KCNQ1OT1: variants seen among roughly 807,000 people sequenced by gnomAD.
KCNQ1OT1 encodes KCNQ1 antisense RNA 2 (non-protein coding).
exon 1 of KCNQ1OT1, chr11:2,686,529 C>T: frequency 5.0e-6 from 2 of 398,690 alleles, no homozygotes; most frequent in Non-Finnish European, 8.8e-6. Flanking sequence ...ACGGAAATGA[C>T]AGCTCCCAGC....
At chr11:2,615,814 A>G in exon 1 of KCNQ1OT1, 1 of 398,042 alleles carries the variant, frequency 2.5e-6, no homozygotes, top group East Asian at 3.6e-5. Flanking sequence ...AGATTTTAGT[A>G]TCTAGTTTGT....
chr11:2,646,482 C>T (rs1564843919), exon 1 of KCNQ1OT1: 1 of 398,540 alleles, frequency 2.5e-6, no homozygotes, highest in East Asian at 3.6e-5. Flanking sequence ...CTTCATTTCT[C>T]TTTTGGCTAA....
rs1309942328 is a variant in KCNQ1OT1 at position 2,662,064 on chromosome 11, C to T, written n.37931G>A. Reference sequence around the variant, plus strand: ...TGGAAGGGGAGACTCTGCTGACACCCATCACCCACATCTCACAGTGAGTGC... The same window carrying T: ...TGGAAGGGGAGACTCTGCTGACACCTATCACCCACATCTCACAGTGAGTGC... On this transcript the variant is annotated non_coding_transcript_exon_variant, in exon 1 of 1. Coordinates refer to ENST00000597346, the Ensembl canonical transcript of KCNQ1OT1. 2 of 1,614,136 alleles carry T rather than the reference C, an allele frequency of 1.2e-6. No homozygotes were observed. The highest frequency in any genetic ancestry group is 1.7e-6 in the Non-Finnish European group (2 of 1,180,058).
At chr11:2,622,781 C>T in exon 1 of KCNQ1OT1, 1 of 398,552 alleles carries the variant, frequency 2.5e-6, no homozygotes, top group Non-Finnish European at 4.4e-6. Flanking sequence ...ACAGAGATTT[C>T]CCGTATACCC....
chr11:2,698,338 T>TA lies in KCNQ1OT1; in HGVS notation n.1656dup, dbSNP rs1590039270. ...GAACAGTGCTGTGGGAAGGCACTCTTACTCTCAATTTTATATAAAAGGCTA... is the reference window on the plus strand; with the variant it reads ...GAACAGTGCTGTGGGAAGGCACTCTTAACTCTCAATTTTATATAAAAGGCTA... On this transcript the variant is annotated non_coding_transcript_exon_variant, in exon 1 of 1. Transcript: ENST00000597346. The surrounding 1 kb of genome is among the most constrained non-coding windows in gnomAD (Gnocchi z 5.1). 3 of 398,622 alleles carry TA rather than the reference T, an allele frequency of 7.5e-6. No individual in the cohort carries two copies. In the East Asian group the frequency reaches 1.1e-4, roughly 14 times the overall value. The allele number at this position is 398,622 out of a possible 1,614,324, so 24.7% of individuals were successfully genotyped here.
At chr11:2,628,869 A>G (rs946988675) in exon 1 of KCNQ1OT1, 1 of 398,210 alleles carries the variant, frequency 2.5e-6, no homozygotes, top group African/African-American at 2.1e-5. Context: ...TATTCAAGAG[A>G]GTACCCTTTC....
In KCNQ1OT1 at chr11:2,687,146, C is replaced by T. The variant is rs889542195; in HGVS notation, n.12849G>A. The T allele has an allele frequency of 1.0e-5, 4 of 398,502 alleles. No homozygotes were observed. Among genetic ancestry groups the T allele is most frequent in the African/African-American group, 8.2e-5 (4 of 48,602 alleles). The allele number at this position is 398,502 out of a possible 1,614,324, so 24.7% of individuals were successfully genotyped here. A position where few individuals can be genotyped will look rare whatever the true frequency, so the allele number is the denominator to read the frequency against. ...GCACAGGGAGGGGAGGAATCTGAGC[C>T]AGCTTCCTCCACAAAGCACAGAAGT... On this transcript the variant is annotated non_coding_transcript_exon_variant, in exon 1 of 1. Transcript: ENST00000597346. This position sits in a 1 kb window ranked among gnomAD's most constrained non-coding sequence, Gnocchi z 5.0.
rs141458220 is a variant in KCNQ1OT1 at position 2,651,957 on chromosome 11, G to C, written n.48038C>G. On this transcript the variant is annotated non_coding_transcript_exon_variant, in exon 1 of 1. Transcript: ENST00000597346. The surrounding 1 kb of genome is among the most constrained non-coding windows in gnomAD (Gnocchi z 6.1). ...CAGCCCTCCTGCAGCCAGCAGCAGT[G>C]GGGGAGCCAAGCTGAGTTGATTACT... 1.0e-5 allele frequency: 4 copies of C among 398,686 alleles called. No homozygotes were observed. Among genetic ancestry groups the C allele is most frequent in the Non-Finnish European group, 1.8e-5 (4 of 226,122 alleles). 24.7% of individuals were successfully genotyped at this position (398,686 alleles called of 1,614,324 possible). A position where few individuals can be genotyped will look rare whatever the true frequency, so the allele number is the denominator to read the frequency against.
chr11:2,666,521 C>T, exon 1 of KCNQ1OT1: 1 of 398,720 alleles, frequency 2.5e-6, no homozygotes, highest in Non-Finnish European at 4.4e-6. Flanking sequence ...TGTGGCCTGG[C>T]TTTCATCCAC....
exon 1 of KCNQ1OT1, chr11:2,667,296 G>A (rs10832514): frequency 0.36 from 144,733 of 398,290 alleles, 32,580 homozygotes; most frequent in East Asian, 0.93. Context: ...GGAGAGGGCC[G>A]CACTGTCTAG....
At chr11:2,662,210 C>T (rs182419639) in exon 1 of KCNQ1OT1, 27 of 1,311,602 alleles carry the variant, frequency 2.1e-5, no homozygotes, top group East Asian at 1.6e-4. Flanking sequence ...CACCACTTGC[C>T]GTCTGCCTGG....
chr11:2,646,618 G>A (rs996759656), exon 1 of KCNQ1OT1: 42 of 398,434 alleles, frequency 1.1e-4, no homozygotes, highest in Non-Finnish European at 1.1e-4. Context: ...CTTCACCTCC[G>A]AGGTTCAAGT....
chr11:2,662,558 CT>C, exon 1 of KCNQ1OT1: 1 of 428,822 alleles, frequency 2.3e-6, no homozygotes, highest in Non-Finnish European at 4.1e-6. Flanking sequence ...TGGCCTTCCC[CT>C]GAGGCACAGC....
rs887845988 is a variant in KCNQ1OT1, at chr11:2,695,469, C to T, written n.4526G>A. The T allele has an allele frequency of 2.5e-5, 10 of 398,532 alleles. No individual in the cohort carries two copies. Among genetic ancestry groups the T allele is most frequent in the Admixed American group, 1.3e-4 (3 of 22,714 alleles). 24.7% of individuals were successfully genotyped at this position (398,532 alleles called of 1,614,324 possible). On this transcript the variant is annotated non_coding_transcript_exon_variant, in exon 1 of 1. Transcript: ENST00000597346. The surrounding 1 kb of genome is among the most constrained non-coding windows in gnomAD (Gnocchi z 5.2). Reference sequence around the variant, plus strand: ...TGTCACTCAGCACTGTGTTTCCACGCGTCTCTATCTTGTGAAGTGTACATC... The same window carrying T: ...TGTCACTCAGCACTGTGTTTCCACGTGTCTCTATCTTGTGAAGTGTACATC...
exon 1 of KCNQ1OT1, chr11:2,667,172 C>T (rs1391285787): frequency 2.5e-6 from 1 of 398,564 alleles, no homozygotes; most frequent in East Asian, 3.6e-5. Flanking sequence ...TGGCTTCCAG[C>T]CTGCCATCAG....
In KCNQ1OT1 at chr11:2,664,483, G is replaced by A. The variant is rs1850027072; in HGVS notation, n.35512C>T. 1 of 398,638 alleles carries A rather than the reference G, an allele frequency of 2.5e-6. No individual in the cohort carries two copies. The highest frequency in any genetic ancestry group is 1.3e-4 in the South Asian group (1 of 7,866). The allele number at this position is 398,638 out of a possible 1,614,324, so 24.7% of individuals were successfully genotyped here. A position where few individuals can be genotyped will look rare whatever the true frequency, so the allele number is the denominator to read the frequency against. ...TGGGTAGAGGCCCCACTCCATCTGG[G>A]GGAGAAGGCTGGCAGCAGTGGGCAC... On this transcript the variant is annotated non_coding_transcript_exon_variant, in exon 1 of 1. Transcript: ENST00000597346. This position sits in a 1 kb window ranked among gnomAD's most constrained non-coding sequence, Gnocchi z 5.1.
exon 1 of KCNQ1OT1, chr11:2,694,980 A>C (rs1332370920): frequency 2.5e-6 from 1 of 398,612 alleles, no homozygotes; most frequent in East Asian, 3.6e-5. Context: ...AAGAAGAAGA[A>C]GGCTGGCAGA....
rs777186559 is a variant in KCNQ1OT1 at position 2,620,710 on chromosome 11, A to G, written n.79285T>C. ...TTTTCCTTTGAATATATATCCAGTA[A>G]TGGGATTGCTGGGTCAGATGGTAGT... is the stretch of plus-strand genomic sequence containing the variant. On this transcript the variant is annotated non_coding_transcript_exon_variant, in exon 1 of 1. Transcript: ENST00000597346. The surrounding 1 kb of genome is among the most constrained non-coding windows in gnomAD (Gnocchi z 4.5). The G allele has an allele frequency of 2.8e-5, 11 of 398,456 alleles. No homozygotes were observed. Among genetic ancestry groups the G allele is most frequent in the Non-Finnish European group, 4.9e-5 (11 of 226,046 alleles). 24.7% of individuals were successfully genotyped at this position (398,456 alleles called of 1,614,324 possible).
chr11:2,620,276 G>A lies in KCNQ1OT1; in HGVS notation n.79719C>T. On this transcript the variant is annotated non_coding_transcript_exon_variant, in exon 1 of 1. Coordinates refer to ENST00000597346, the Ensembl canonical transcript of KCNQ1OT1. The surrounding 1 kb of genome is among the most constrained non-coding windows in gnomAD (Gnocchi z 4.5). ...TTGTTGCCCAGGCTGGAGGGCAATG[G>A]CATGATCTCGGCTCACTGCAGCCTC... The A allele has an allele frequency of 4.5e-6, 1 of 220,100 alleles. No individual in the cohort carries two copies. The highest frequency in any genetic ancestry group is 9.7e-5 in the East Asian group (1 of 10,274). 13.6% of individuals were successfully genotyped at this position (220,100 alleles called of 1,614,324 possible).
Sources: allele counts gnomAD v4.1 joint callset, GRCh38; gene constraint gnomAD v4.1.1; non-coding constraint Gnocchi (gnomAD v3.1); transcripts MANE v1.5; gene names NCBI Gene and HGNC (gene_info 2026-07-23, HGNC 2026-07-21).